IL1RAPL2: variants seen among roughly 807,000 people sequenced by gnomAD.
The protein encoded by IL1RAPL2 is interleukin 1 receptor accessory protein like 2, also known as X-linked interleukin-1 receptor accessory protein-like 2.
In IL1RAPL2, 3 loss-of-function variants were observed where a neutral mutation model predicts 44.1. The observed-to-expected ratio is 0.07, with a 90% CI of 0.03 to 0.18. The LOEUF (loss-of-function observed/expected upper bound fraction) is 0.18. IL1RAPL2 is among the 10% of genes least tolerant of loss of function. The probability of loss-of-function intolerance (pLI) is 1.00; values close to 1 mark genes in which losing one functional copy is unlikely to be tolerated. For synonymous variants in IL1RAPL2, 181 were observed against 178.8 expected, an observed-to-expected ratio of 1.01 and a Z score of -0.10; for missense variants, 391 against 496.4, an observed-to-expected ratio of 0.79 and a Z score of 2.02.
intron 2 of IL1RAPL2, among the ~76,000 whole-genome samples, chrX:104,988,126 T>A (rs1481512343): frequency 8.9e-6 from 1 of 112,317 alleles, no homozygotes; most frequent in Non-Finnish European, 1.9e-5. Flanking sequence ...TTCTGACCAC[T>A]AGCTATCTGC....
chrX:104,829,713 A>C (rs1222349542), intron 2 of IL1RAPL2, among the ~76,000 whole-genome samples: 1 of 112,589 alleles, frequency 8.9e-6, no homozygotes, highest in African/African-American at 3.2e-5. Flanking sequence ...AATGTATAGC[A>C]TTTTGGATAT....
chrX:104,789,837 G>T (rs1033535224), intron 2 of IL1RAPL2, among the ~76,000 whole-genome samples: 1 of 112,452 alleles, frequency 8.9e-6, no homozygotes, highest in Non-Finnish European at 1.9e-5. Context: ...GGCCAAGAGG[G>T]GTTGTATTTG....
intron 6 of IL1RAPL2, among the ~76,000 whole-genome samples, chrX:105,490,191 T>C (rs901002169): frequency 1.8e-5 from 2 of 111,163 alleles, no homozygotes; most frequent in African/African-American, 3.3e-5. Flanking sequence ...ATGCAGAAAA[T>C]ACATATAAAC....
chrX:104,665,678 CATG>C (rs1410658643), intron 2 of IL1RAPL2, among the ~76,000 whole-genome samples: 2 of 111,256 alleles, frequency 1.8e-5, no homozygotes, highest in Non-Finnish European at 3.8e-5. Flanking sequence ...TGTTACTTCA[CATG>C]ATATTTATAT....
chrX:104,941,202 C>T (rs186419139), intron 2 of IL1RAPL2, among the ~76,000 whole-genome samples: 208 of 110,710 alleles, frequency 1.9e-3, no homozygotes, highest in African/African-American at 6.6e-3. Context: ...ATTTATAATC[C>T]TTTGGGTATA....
chrX:105,352,037 C>T (rs1036615533), intron 5 of IL1RAPL2, among the ~76,000 whole-genome samples: 3 of 111,317 alleles, frequency 2.7e-5, no homozygotes, highest in African/African-American at 9.8e-5. Flanking sequence ...AACCTTCTTC[C>T]TCAGCCTCCC....
chrX:105,315,896 C>G (rs1454504018), intron 5 of IL1RAPL2, among the ~76,000 whole-genome samples: 1 of 109,035 alleles, frequency 9.2e-6, no homozygotes, highest in Non-Finnish European at 1.9e-5. Flanking sequence ...TCCTTGTTGA[C>G]TATATGCTTT....
intron 6 of IL1RAPL2, among the ~76,000 whole-genome samples, chrX:105,624,989 G>A (rs963613217): frequency 9.0e-6 from 1 of 111,677 alleles, no homozygotes; most frequent in African/African-American, 3.3e-5. Flanking sequence ...ACAACAGAGT[G>A]TTTCTTTTCT....
chrX:105,619,409 G>A (rs1322767574), intron 6 of IL1RAPL2, among the ~76,000 whole-genome samples: 2 of 111,731 alleles, frequency 1.8e-5, no homozygotes, highest in Non-Finnish European at 1.9e-5. Flanking sequence ...TTCCTTTATA[G>A]ATGTAAATTT....
At chrX:105,506,898 T>C (rs2036435010) in intron 6 of IL1RAPL2, among the ~76,000 whole-genome samples, 1 of 111,971 alleles carries the variant, frequency 8.9e-6, no homozygotes, top group African/African-American at 3.2e-5. Context: ...GTATCCCAGG[T>C]ACAGTAATCC....
At chrX:105,490,216 T>G (rs1305390121) in intron 6 of IL1RAPL2, among the ~76,000 whole-genome samples, 1 of 111,735 alleles carries the variant, frequency 8.9e-6, no homozygotes, top group Non-Finnish European at 1.9e-5. Context: ...ACTTTCTCTT[T>G]CTGTGTGAAT....
chrX:104,950,551 C>G (rs1049750046), intron 2 of IL1RAPL2, among the ~76,000 whole-genome samples: 3 of 112,497 alleles, frequency 2.7e-5, no homozygotes, highest in South Asian at 7.3e-4. Context: ...TGGGCAGTGA[C>G]GGGCGCCCCT....
intron 2 of IL1RAPL2, among the ~76,000 whole-genome samples, chrX:104,844,397 T>C (rs1921989652): frequency 9.0e-6 from 1 of 111,435 alleles, no homozygotes; most frequent in African/African-American, 3.3e-5. Context: ...TATGATTAAA[T>C]GATATTTGAA....
At chrX:105,160,457 A>C (rs1285726888) in intron 2 of IL1RAPL2, among the ~76,000 whole-genome samples, 1 of 111,586 alleles carries the variant, frequency 9.0e-6, no homozygotes, top group Non-Finnish European at 1.9e-5. Context: ...TCAAAAGAAG[A>C]ATGAGAGAAT....
chrX:105,369,203 ATCTC>A (rs959731615), intron 5 of IL1RAPL2, among the ~76,000 whole-genome samples: 2 of 109,948 alleles, frequency 1.8e-5, no homozygotes, highest in Admixed American at 9.8e-5. Context: ...TTTGAAAAAC[ATCTC>A]TCTATTTCTT....
rs750166498 is a variant in IL1RAPL2 at position 104,631,039 on chromosome X, C to T, written c.-19-27856C>T. The stretch of plus-strand genomic sequence containing the variant: ...GTGTGTGATGTTCCCCTACCTGTGT[C>T]CATGTGTTCTCATTCTTCAATTCCC... On this transcript the variant is annotated intron_variant, in intron 1 of 10. Coordinates refer to ENST00000372582, the MANE Select transcript of IL1RAPL2 (RefSeq NM_017416.2). Among the ~76,000 whole-genome samples, 88 of 110,451 alleles carry T rather than the reference C, an allele frequency of 8.0e-4. 1 individual carries two copies. The highest frequency in any genetic ancestry group is 1.3e-4 in the Non-Finnish European group (7 of 52,926).
intron 6 of IL1RAPL2, among the ~76,000 whole-genome samples, chrX:105,673,407 G>A (rs1186934711): frequency 9.0e-6 from 1 of 111,208 alleles, no homozygotes; most frequent in Non-Finnish European, 1.9e-5. Context: ...TTATAAATGA[G>A]AACATTTGGT....
At chrX:105,728,508 G>T (rs2038371675) in intron 7 of IL1RAPL2, among the ~76,000 whole-genome samples, 1 of 111,673 alleles carries the variant, frequency 9.0e-6, no homozygotes, top group Admixed American at 9.5e-5. Flanking sequence ...AAGAGGCAAA[G>T]AAGATTTATT....
intron 6 of IL1RAPL2, among the ~76,000 whole-genome samples, chrX:105,700,193 A>T: frequency 9.0e-6 from 1 of 111,520 alleles, no homozygotes; most frequent in Non-Finnish European, 1.9e-5. Flanking sequence ...CTTTTTCTGC[A>T]TTACTTTCGG....
Sources: allele counts gnomAD v4.1 joint callset (sites outside exome capture counted in the v4.1 genomes callset), GRCh38; gene constraint gnomAD v4.1.1; transcripts MANE v1.5; gene names NCBI Gene and HGNC (gene_info 2026-07-23, HGNC 2026-07-21).